The following NBR1 variants were observed in gnomAD, a reference collection of about 807,000 sequenced individuals.
NBR1 encodes next to BRCA1 gene 1 protein.
Under a neutral mutation model 115.5 loss-of-function variants are expected in NBR1, and 59 were observed. The observed-to-expected ratio is 0.51, with a 90% CI of 0.41 to 0.63. The LOEUF is 0.63. Among genes scored for constraint, NBR1 ranks in the 30% least tolerant of loss-of-function variants. NBR1 has a pLI of 0.00. For missense variants in NBR1, 1,043 were observed against 1,150.5 expected (o/e 0.91, Z 1.35); for synonymous variants, 373 against 414.7 (o/e 0.90, Z 1.22).
At chr17:43,171,757 G>T (rs1464749475) in intron 1 of NBR1, among the ~76,000 whole-genome samples, 1 of 152,192 alleles carries the variant, frequency 6.6e-6, no homozygotes, top group Non-Finnish European at 1.5e-5. Flanking sequence ...GGGACCTTCG[G>T]TTTTGGAAAG....
intron 3 of NBR1, among the ~76,000 whole-genome samples, chr17:43,178,560 AGAGACG>A (rs1472881365): frequency 6.7e-6 from 1 of 150,040 alleles, no homozygotes; most frequent in East Asian, 2.0e-4. Context: ...TATTTTTAGT[AGAGACG>A]GTATTTCACC....
In NBR1 at chr17:43,190,704, T is replaced by C; in HGVS notation, c.791T>C (p.Val264Ala). Residue 264 changes from valine to alanine, a missense_variant, in exon 9 of 21, where the codon GTG becomes GCG. Physicochemically the swap from Val to Ala is moderately conservative, Grantham distance 64. Coordinates refer to ENST00000590996, the MANE Select transcript of NBR1 (RefSeq NM_005899.5). ...CTGCTGAAGTTGCGGAGACCTGTTGTGGGCTCCTCTGAACCGTTCTGTCAC... is the reference window on the plus strand; with the variant it reads ...CTGCTGAAGTTGCGGAGACCTGTTGCGGGCTCCTCTGAACCGTTCTGTCAC... The part of the protein sequence containing the change: ...HVLLKLRRPV[V>A]GSSEPFCHSK... 1 of 1,614,034 alleles carries C rather than the reference T, an allele frequency of 6.2e-7. No individual in the cohort carries two copies. Among genetic ancestry groups the C allele is most frequent in the South Asian group, 1.1e-5 (1 of 91,080 alleles).
intron 8 of NBR1, chr17:43,190,078 G>A (rs2056906862): frequency 4.8e-6 from 2 of 414,380 alleles, no homozygotes; most frequent in Non-Finnish European, 8.7e-6. Flanking sequence ...GTAGTTCCTC[G>A]GTTGTTCCAA....
At chr17:43,196,832 A>G (rs2154582297) in intron 15 of NBR1, 110 bp from the exon 16 acceptor site, 2 of 1,268,424 alleles carry the variant, frequency 1.6e-6, no homozygotes, top group South Asian at 2.8e-5. Context: ...AGTGCAGACA[A>G]AGTTTAGATA....
At chr17:43,186,731 C>T (rs776311290) in intron 6 of NBR1, among the ~76,000 whole-genome samples, 1 of 151,830 alleles carries the variant, frequency 6.6e-6, no homozygotes, top group Non-Finnish European at 1.5e-5. Flanking sequence ...CATGTGTTCT[C>T]ATTGTTCAAC....
intron 6 of NBR1, 59 bp downstream of exon 6, chr17:43,186,503 G>A: frequency 7.6e-7 from 1 of 1,308,706 alleles, no homozygotes; most frequent in Non-Finnish European, 1.0e-6. Flanking sequence ...TTTAAATAAA[G>A]CTGAACAGGT....
Position 43,210,711 on chromosome 17 carries a change from A to G in NBR1, c.*637A>G, listed in dbSNP as rs955927651. 3 of 398,444 alleles carry G rather than the reference A, an allele frequency of 7.5e-6. No homozygotes were observed. The highest frequency in any genetic ancestry group is 4.1e-5 in the African/African-American group (2 of 48,630). The allele number at this position is 398,444 out of a possible 1,614,324, so 24.7% of individuals were successfully genotyped here. ...ACTTCAAGGGAATCTCCGCATTTCA[A>G]TGAAAGGAGGAAGAGTGTGCTGATA... On this transcript the variant is annotated 3_prime_UTR_variant, in exon 21 of 21. Coordinates refer to ENST00000590996, the MANE Select transcript of NBR1 (RefSeq NM_005899.5).
At chr17:43,175,693 G>A (rs2056496903) in intron 1 of NBR1, 98 bp from the exon 2 acceptor site, 2 of 596,266 alleles carry the variant, frequency 3.4e-6, no homozygotes, top group Admixed American at 6.4e-5. Flanking sequence ...GCCCATATTG[G>A]GTCCTCACAA....
chr17:43,185,108 A>C (rs1026924814), intron 5 of NBR1, among the ~76,000 whole-genome samples: 3 of 151,950 alleles, frequency 2.0e-5, no homozygotes, highest in African/African-American at 7.2e-5. Flanking sequence ...AAAAAAAAAA[A>C]ACAGAAAAAT....
intron 1 of NBR1, among the ~76,000 whole-genome samples, chr17:43,173,193 C>T (rs2056419899): frequency 6.6e-6 from 1 of 152,090 alleles, no homozygotes; most frequent in African/African-American, 2.4e-5. Flanking sequence ...CTTTGTTGCC[C>T]AGGCTGGTCT....
chr17:43,194,152 C>T (rs1431164633), intron 12 of NBR1, among the ~76,000 whole-genome samples, 198 bp from the exon 13 acceptor site: 2 of 152,050 alleles, frequency 1.3e-5, no homozygotes, highest in Non-Finnish European at 2.9e-5. Context: ...TATAAGTTAT[C>T]GTCATTAGGG....
chr17:43,186,295 G>A lies in NBR1; in HGVS notation c.253G>A (p.Gly85Arg), dbSNP rs1229165648. Residue 85 changes from glycine to arginine, a missense_variant, in exon 6 of 21, where the codon GGG becomes AGG. Gly to Arg is a moderately radical substitution (Grantham distance 125). Coordinates refer to ENST00000590996, the MANE Select transcript of NBR1 (RefSeq NM_005899.5). Reference sequence around the variant, plus strand: ...CCAACTGCAGATGCAAGTCCACGAAGGGCACCATGTCGTTGATGAAGCCCC... The same window carrying A: ...CCAACTGCAGATGCAAGTCCACGAAAGGCACCATGTCGTTGATGAAGCCCC... ...GNQLQMQVHEGHHVVDEAPPP... is the reference protein window; with the variant it reads ...GNQLQMQVHERHHVVDEAPPP... The A allele has an allele frequency of 6.3e-7, 1 of 1,587,822 alleles. No homozygotes were observed.
intron 18 of NBR1, 110 bp from the exon 19 acceptor site, chr17:43,202,539 AGACTTC>A (rs1448396091): frequency 1.8e-5 from 11 of 615,018 alleles, no homozygotes; most frequent in Admixed American, 6.6e-5. Flanking sequence ...AAAAAAAAAA[AGACTTC>A]AAACACTGTG....
At chr17:43,188,978 T>G (rs1422297537) in intron 6 of NBR1, 64 bp from the exon 7 acceptor site, 1 of 1,151,794 alleles carries the variant, frequency 8.7e-7, no homozygotes, top group East Asian at 2.3e-5. Flanking sequence ...AATAATACAC[T>G]CCAGGAAAAG....
rs979106012 is a variant in NBR1 at position 43,210,690 on chromosome 17, C to T, written c.*616C>T. The T allele has an allele frequency of 2.5e-6, 1 of 398,450 alleles. No homozygotes were observed. Among genetic ancestry groups the T allele is most frequent in the Non-Finnish European group, 4.4e-6 (1 of 226,034 alleles). 24.7% of individuals were successfully genotyped at this position (398,450 alleles called of 1,614,324 possible). On this transcript the variant is annotated 3_prime_UTR_variant, in exon 21 of 21. Coordinates refer to ENST00000590996, the MANE Select transcript of NBR1 (RefSeq NM_005899.5). ...TGGTGCATTCAAGAGTATCCAACTT[C>T]AAGGGAATCTCCGCATTTCAATGAA...
At chr17:43,206,137 C>T (rs1290475308) in intron 20 of NBR1, among the ~76,000 whole-genome samples, 5 of 149,214 alleles carry the variant, frequency 3.4e-5, no homozygotes, top group Non-Finnish European at 5.9e-5. Context: ...GATTGCGCCA[C>T]TGCACTTCAG....
chr17:43,186,748 A>G (rs895354367), intron 6 of NBR1, among the ~76,000 whole-genome samples: 1 of 151,200 alleles, frequency 6.6e-6, no homozygotes, highest in Admixed American at 6.6e-5. Flanking sequence ...CAACTCCCAC[A>G]TATCAGTGAG....
intron 1 of NBR1, among the ~76,000 whole-genome samples, chr17:43,174,892 G>T (rs963105865): frequency 6.7e-6 from 1 of 149,988 alleles, no homozygotes; most frequent in Non-Finnish European, 1.5e-5. Context: ...TCAGGAGATC[G>T]AGACCATTTT....
At position 43,210,335 on chromosome 17, in the gene NBR1, G is replaced by T. The variant is rs553197498; in HGVS notation, c.*261G>T. 5.1e-6 allele frequency: 2 copies of T among 392,922 alleles called. No individual in the cohort carries two copies. The highest frequency in any genetic ancestry group is 7.3e-5 in the East Asian group (2 of 27,528). 24.3% of individuals were successfully genotyped at this position (392,922 alleles called of 1,614,324 possible). The stretch of plus-strand genomic sequence containing the variant: ...TTGGATAAAACTATTTTAGTGCATT[G>T]ACAAGTGTAACTTCAACTTCATATA... On this transcript the variant is annotated 3_prime_UTR_variant, in exon 21 of 21. Coordinates refer to ENST00000590996, the MANE Select transcript of NBR1 (RefSeq NM_005899.5).
Sources: gnomAD v4.1 joint callset for allele counts (sites outside exome capture counted in the v4.1 genomes callset) on GRCh38, gnomAD v4.1.1 for gene constraint, MANE v1.5 for transcripts, NCBI Gene and HGNC (gene_info 2026-07-23, HGNC 2026-07-21) for gene names.